Variants in HMGCLL1 observed in about 807,000 individuals in gnomAD.
HMGCLL1 encodes the protein 3-hydroxymethyl-3-methylglutaryl-CoA lyase, cytoplasmic.
A neutral mutation model predicts 39.1 loss-of-function variants in HMGCLL1; 36 were observed. The ratio of observed to expected loss-of-function variants is 0.92; its 90% CI spans 0.71 to 1.22. The LOEUF is 1.22. Among genes scored for constraint, HMGCLL1 ranks in the 50% most tolerant of loss-of-function variants. The pLI, the probability that HMGCLL1 is intolerant of heterozygous loss-of-function variation, is 0.00. For synonymous variants in HMGCLL1, 149 were observed against 144.0 expected, an observed-to-expected ratio of 1.03 and a Z score of -0.25; for missense variants, 451 against 416.5, an observed-to-expected ratio of 1.08 and a Z score of -0.72.
chr6:55,472,610 T>A (rs982543734), intron 7 of HMGCLL1, among the ~76,000 whole-genome samples: 2 of 151,480 alleles, frequency 1.3e-5, no homozygotes, highest in Admixed American at 1.3e-4. Flanking sequence ...TTGTTTTAAT[T>A]TTTATTTAAT....
At chr6:55,588,111 GCACCA>G in the HMGCLL1 span, among the ~76,000 whole-genome samples, 2 of 152,078 alleles carry the variant, frequency 1.3e-5, no homozygotes, top group African/African-American at 4.8e-5. Context: ...ATTCTTCTCA[GCACCA>G]CACCACACCT....
chr6:55,446,026 T>A (rs1763814383), intron 7 of HMGCLL1, among the ~76,000 whole-genome samples: 1 of 151,904 alleles, frequency 6.6e-6, no homozygotes, highest in Admixed American at 6.6e-5. Flanking sequence ...ATTTGTATTT[T>A]TCCTTTGACT....
chr6:55,445,599 A>G (rs568604365), intron 7 of HMGCLL1, among the ~76,000 whole-genome samples: 1 of 152,024 alleles, frequency 6.6e-6, no homozygotes, highest in Admixed American at 6.6e-5. Flanking sequence ...AAGATGTTCC[A>G]TTTCTCTCCT....
intron 7 of HMGCLL1, among the ~76,000 whole-genome samples, chr6:55,467,409 T>C (rs192990939): frequency 9.1e-4 from 138 of 152,212 alleles, no homozygotes; most frequent in South Asian, 3.7e-3. Context: ...GCCACCTAAG[T>C]GGATACTATT....
the HMGCLL1 span, among the ~76,000 whole-genome samples, chr6:55,653,701 G>A: frequency 2.6e-5 from 4 of 151,902 alleles, no homozygotes; most frequent in African/African-American, 7.2e-5. Context: ...TTACCAATAG[G>A]AACCCTGGAC....
At chr6:55,630,537 T>C in the HMGCLL1 span, among the ~76,000 whole-genome samples, 2 of 152,124 alleles carry the variant, frequency 1.3e-5, no homozygotes, top group Non-Finnish European at 2.9e-5. Context: ...TTTTAAAATG[T>C]GAGGACATGA....
chr6:55,666,597 G>A, the HMGCLL1 span, among the ~76,000 whole-genome samples: 36 of 151,562 alleles, frequency 2.4e-4, no homozygotes, highest in Non-Finnish European at 3.7e-4. Context: ...GATTCATAGC[G>A]GGACTCATTT....
intron 7 of HMGCLL1, among the ~76,000 whole-genome samples, chr6:55,494,590 A>G (rs115182960): frequency 0.014 from 2,190 of 152,248 alleles, 30 homozygotes; most frequent in Non-Finnish European, 0.024. Flanking sequence ...TGATCTTCCC[A>G]TTGTTTTTTA....
the HMGCLL1 span, among the ~76,000 whole-genome samples, chr6:55,658,091 C>G: frequency 6.6e-6 from 1 of 151,622 alleles, no homozygotes; most frequent in African/African-American, 2.4e-5. Flanking sequence ...GGATTTGTGA[C>G]AAGAGGGGAA....
chr6:55,559,910 A>G (rs920844594), intron 1 of HMGCLL1, among the ~76,000 whole-genome samples: 5 of 152,168 alleles, frequency 3.3e-5, no homozygotes, highest in Non-Finnish European at 5.9e-5. Flanking sequence ...TTCAGAGTTA[A>G]ACTTCATTTT....
chr6:55,537,373 T>A (rs971499951), intron 3 of HMGCLL1, among the ~76,000 whole-genome samples: 4 of 152,198 alleles, frequency 2.6e-5, no homozygotes, highest in African/African-American at 9.6e-5. Context: ...ACTAGATGAA[T>A]ATTAAAGTAA....
At chr6:55,456,503 G>T (rs185375939) in intron 7 of HMGCLL1, among the ~76,000 whole-genome samples, 1 of 152,142 alleles carries the variant, frequency 6.6e-6, no homozygotes, top group Non-Finnish European at 1.5e-5. Context: ...GTTCTTTCTT[G>T]TCCGTCACGT....
intron 1 of HMGCLL1, among the ~76,000 whole-genome samples, chr6:55,553,219 GTA>G (rs1184808443): frequency 6.3e-5 from 9 of 142,658 alleles, no homozygotes; most frequent in Admixed American, 5.6e-4. Flanking sequence ...ACACATATAT[GTA>G]TATATATACA....
At chr6:55,570,453 T>C (rs1393012001) in intron 1 of HMGCLL1, among the ~76,000 whole-genome samples, 1 of 152,210 alleles carries the variant, frequency 6.6e-6, no homozygotes, top group Non-Finnish European at 1.5e-5. Context: ...CATTACTTCT[T>C]GAAGACTCCC....
At chr6:55,622,760 A>C in the HMGCLL1 span, among the ~76,000 whole-genome samples, 2 of 152,068 alleles carry the variant, frequency 1.3e-5, no homozygotes, top group Non-Finnish European at 2.9e-5. Context: ...ATATCAGGGT[A>C]ATATTTGCCT....
At chr6:55,449,699 A>T (rs1763998843) in intron 7 of HMGCLL1, among the ~76,000 whole-genome samples, 2 of 151,954 alleles carry the variant, frequency 1.3e-5, no homozygotes, top group African/African-American at 4.8e-5. Flanking sequence ...ATTTTATTGG[A>T]TCTCTTCTGT....
At chr6:55,621,333 G>A in the HMGCLL1 span, among the ~76,000 whole-genome samples, 4 of 152,014 alleles carry the variant, frequency 2.6e-5, no homozygotes, top group Admixed American at 1.3e-4. Context: ...CCCAAACCCT[G>A]GGCTATGGAT....
At chr6:55,453,954 G>A (rs1287486162) in intron 7 of HMGCLL1, among the ~76,000 whole-genome samples, 5 of 152,172 alleles carry the variant, frequency 3.3e-5, no homozygotes, top group African/African-American at 1.2e-4. Context: ...AGTGAAAGGT[G>A]AAAGTTGCTT....
At position 55,519,395 on chromosome 6, in the gene HMGCLL1, G is replaced by A. The variant is rs143460781; in HGVS notation, c.298-2792C>T. On this transcript the variant is annotated intron_variant, in intron 3 of 8. Transcript: ENST00000274901. ...ACAGAGGAGCACTTTACTCAAAATT[G>A]TAATTCTCACCATTTTATAGCCTTC... Among the ~76,000 whole-genome samples, 285 of 152,216 alleles carry A rather than the reference G, an allele frequency of 1.9e-3. 3 individuals carry two copies. Among genetic ancestry groups the A allele is most frequent in the African/African-American group, 6.7e-3 (277 of 41,546 alleles).
Sources: gnomAD v4.1 joint callset for allele counts (sites outside exome capture counted in the v4.1 genomes callset) on GRCh38, gnomAD v4.1.1 for gene constraint, MANE v1.5 for transcripts, NCBI Gene and HGNC (gene_info 2026-07-23, HGNC 2026-07-21) for gene names.